Variants in PTPRO observed in about 807,000 individuals in gnomAD.
PTPRO encodes protein tyrosine phosphatase receptor type O.
In PTPRO, 62 loss-of-function variants were observed where a neutral mutation model predicts 145.2. The ratio of observed to expected loss-of-function variants is 0.43; its 90% CI spans 0.35 to 0.53. The LOEUF is 0.53. PTPRO is among the 20% of genes least tolerant of loss of function. The pLI is 0.01. For synonymous variants in PTPRO, 565 were observed against 514.7 expected (o/e 1.10, Z -1.32); for missense variants, 1,345 against 1,482.7 (o/e 0.91, Z 1.53).
At chr12:15,502,095 A>C (rs373369897) in intron 5 of PTPRO, 32 bp downstream of exon 5, 1 of 1,557,500 alleles carries the variant, frequency 6.4e-7, no homozygotes. Context: ...GGAAATAAGA[A>C]CTGATACAAA....
intron 1 of PTPRO, among the ~76,000 whole-genome samples, chr12:15,384,473 G>A (rs1938960780): frequency 6.6e-6 from 1 of 152,178 alleles, no homozygotes; most frequent in Non-Finnish European, 1.5e-5. Flanking sequence ...GCTAGCCAGA[G>A]CTCTCATCCT....
rs904157103 is a variant in PTPRO at position 15,501,749 on chromosome 12, T to G, written c.791T>G (p.Leu264Arg). ...CAAGATACAATAGGAAAAGAAAAAC[T>G]CTTCCATTTTACAGAAGAAACCCCT... is the stretch of plus-strand genomic sequence containing the variant. ...RSQDTIGKEK[L>R]FHFTEETPEI... The change falls in exon 5 of 27, where the codon CTC becomes CGC. Residue 264 changes from leucine to arginine, a missense_variant. Leu to Arg is a moderately radical substitution (Grantham distance 102, BLOSUM62 -2). Transcript: ENST00000281171. The G allele has an allele frequency of 1.9e-6, 3 of 1,613,910 alleles. No homozygotes were observed. Among genetic ancestry groups the G allele is most frequent in the Non-Finnish European group, 2.5e-6 (3 of 1,179,980 alleles).
intron 1 of PTPRO, among the ~76,000 whole-genome samples, chr12:15,424,391 G>A (rs1940227687): frequency 6.6e-6 from 1 of 151,972 alleles, no homozygotes; most frequent in Admixed American, 6.6e-5. Flanking sequence ...AACTACCATG[G>A]AATCAATTTG....
At chr12:15,389,637 A>G (rs1296263550) in intron 1 of PTPRO, among the ~76,000 whole-genome samples, 3 of 152,182 alleles carry the variant, frequency 2.0e-5, no homozygotes, top group Admixed American at 1.3e-4. Flanking sequence ...TCACAGCTTC[A>G]TCTATCACCC....
At chr12:15,414,258 T>A (rs1256164983) in intron 1 of PTPRO, among the ~76,000 whole-genome samples, 1 of 152,168 alleles carries the variant, frequency 6.6e-6, no homozygotes, top group Non-Finnish European at 1.5e-5. Flanking sequence ...ATTTAAGGGG[T>A]CTTGTTAAAA....
chr12:15,474,309 C>T (rs191917520), intron 1 of PTPRO, among the ~76,000 whole-genome samples: 1 of 152,164 alleles, frequency 6.6e-6, no homozygotes, highest in East Asian at 1.9e-4. Flanking sequence ...TTATTCTCCT[C>T]TTTAGTGCCA....
intron 17 of PTPRO, among the ~76,000 whole-genome samples, chr12:15,563,900 C>A (rs1473736599): frequency 2.0e-5 from 3 of 152,182 alleles, no homozygotes; most frequent in African/African-American, 7.2e-5. Context: ...TGACATTCTG[C>A]TTTCCGAAAG....
chr12:15,490,298 A>AT (rs1941973742), intron 2 of PTPRO, among the ~76,000 whole-genome samples: 2 of 152,110 alleles, frequency 1.3e-5, no homozygotes, highest in African/African-American at 4.8e-5. Flanking sequence ...GGGTTAGCAA[A>AT]CTTTTTCTAT....
At chr12:15,447,074 T>C (rs192989450) in intron 1 of PTPRO, among the ~76,000 whole-genome samples, 2 of 152,218 alleles carry the variant, frequency 1.3e-5, no homozygotes, top group Non-Finnish European at 2.9e-5. Flanking sequence ...ATTCAGCATA[T>C]GAATCATCTA....
chr12:15,323,761 C>T (rs916058429), intron 1 of PTPRO, among the ~76,000 whole-genome samples: 9 of 152,102 alleles, frequency 5.9e-5, no homozygotes, highest in South Asian at 2.1e-4. Flanking sequence ...GTGATACCTT[C>T]CCTAGAAATG....
At chr12:15,409,657 T>C (rs1939741469) in intron 1 of PTPRO, among the ~76,000 whole-genome samples, 1 of 152,146 alleles carries the variant, frequency 6.6e-6, no homozygotes, top group African/African-American at 2.4e-5. Context: ...TGGGGAGGCC[T>C]TGGGAAGCTT....
intron 2 of PTPRO, among the ~76,000 whole-genome samples, chr12:15,494,019 T>C (rs752719701): frequency 6.6e-6 from 1 of 152,172 alleles, no homozygotes; most frequent in African/African-American, 2.4e-5. Flanking sequence ...GTTATGATAA[T>C]TTACATAATA....
intron 12 of PTPRO, among the ~76,000 whole-genome samples, chr12:15,530,638 GA>G (rs1379054667): frequency 6.6e-6 from 1 of 152,110 alleles, no homozygotes; most frequent in Non-Finnish European, 1.5e-5. Flanking sequence ...ATGAGTCAAT[GA>G]AGAAATTAAG....
At chr12:15,556,469 AG>A in intron 15 of PTPRO, among the ~76,000 whole-genome samples, 1 of 152,186 alleles carries the variant, frequency 6.6e-6, no homozygotes, top group Non-Finnish European at 1.5e-5. Flanking sequence ...CAAAAGATAG[AG>A]AAGGCATGAG....
At position 15,589,547 on chromosome 12, in the gene PTPRO, T is replaced by C. The variant is rs748416849; in HGVS notation, c.3503T>C (p.Val1168Ala). 1 of 1,614,126 alleles carries C rather than the reference T, an allele frequency of 6.2e-7. No homozygotes were observed. Among genetic ancestry groups the C allele is most frequent in the Non-Finnish European group, 8.5e-7 (1 of 1,180,004 alleles). ...DHEFVDILGL[V>A]SEMRSYRMSM... Reference sequence around the variant, plus strand: ...GAGTTTGTTGACATCTTAGGGCTGGTGTCAGAAATGAGGTCATACCGGATG... The same window carrying C: ...GAGTTTGTTGACATCTTAGGGCTGGCGTCAGAAATGAGGTCATACCGGATG... The change falls in exon 25 of 27, where the codon GTG becomes GCG. Residue 1168 changes from valine to alanine, a missense_variant. Val to Ala is a moderately conservative substitution (Grantham distance 64). Transcript: ENST00000281171.
At chr12:15,568,028 G>A (rs997443539) in intron 18 of PTPRO, among the ~76,000 whole-genome samples, 2 of 152,088 alleles carry the variant, frequency 1.3e-5, no homozygotes, top group Admixed American at 6.6e-5. Context: ...AAGATATAAC[G>A]CCCTCTAAAA....
At chr12:15,444,146 T>C (rs1042397462) in intron 1 of PTPRO, among the ~76,000 whole-genome samples, 7 of 152,172 alleles carry the variant, frequency 4.6e-5, no homozygotes, top group Non-Finnish European at 1.0e-4. Flanking sequence ...TGGAATACTA[T>C]GCAGCCATAG....
intron 1 of PTPRO, among the ~76,000 whole-genome samples, chr12:15,342,718 G>A (rs1256359624): frequency 6.6e-6 from 1 of 152,162 alleles, no homozygotes; most frequent in African/African-American, 2.4e-5. Context: ...TCGACCAGGT[G>A]CTACCACTGC....
At chr12:15,533,631 C>T (rs577562075) in intron 12 of PTPRO, among the ~76,000 whole-genome samples, 3 of 152,232 alleles carry the variant, frequency 2.0e-5, no homozygotes, top group Non-Finnish European at 2.9e-5. Context: ...TTTAGTAGTA[C>T]CTGAATTGCA....
Sources: gnomAD v4.1 joint callset for allele counts (sites outside exome capture counted in the v4.1 genomes callset) on GRCh38, gnomAD v4.1.1 for gene constraint, MANE v1.5 for transcripts, NCBI Gene and HGNC (gene_info 2026-07-23, HGNC 2026-07-21) for gene names.